Variants in KITLG observed in about 807,000 individuals in gnomAD.
The protein encoded by KITLG is c-Kit ligand.
A neutral mutation model predicts 34.1 loss-of-function variants in KITLG; 13 were observed. The observed-to-expected ratio is 0.38, with a 90% CI of 0.25 to 0.61. KITLG has a LOEUF of 0.61. Ranked by LOEUF, KITLG falls within the 20% of genes least tolerant of loss-of-function variation. KITLG has a pLI of 0.60. For synonymous variants in KITLG, 110 were observed against 104.0 expected, an observed-to-expected ratio of 1.06 and a Z score of -0.35; for missense variants, 292 against 318.9, an observed-to-expected ratio of 0.92 and a Z score of 0.64.
chr12:88,544,506 G>GT (rs201460412), intron 2 of KITLG, among the ~76,000 whole-genome samples: 1,244 of 80,220 alleles, frequency 0.016, 7 homozygotes, highest in African/African-American at 0.022. Flanking sequence ...TAAACAGTAT[G>GT]TTTTTAAAAA....
Position 88,546,322 on chromosome 12 carries a change from C to G in KITLG, c.16-457G>C, listed in dbSNP as rs966943139. 2.0e-5 allele frequency among the ~76,000 whole-genome samples: 3 copies of G among 152,098 alleles called. No homozygotes were observed. The East Asian group carries it at 5.8e-4, about 29-fold the overall frequency. ...AATCCAATAATCTACAATAGCACAC[C>G]AAGTTAAAGTGAGAGAGATGTATAT... On this transcript the variant is annotated intron_variant, in intron 1 of 9. Coordinates refer to ENST00000644744, the MANE Select transcript of KITLG (RefSeq NM_000899.5).
At chr12:88,568,515 C>G (rs1218606622) in intron 1 of KITLG, among the ~76,000 whole-genome samples, 1 of 151,866 alleles carries the variant, frequency 6.6e-6, no homozygotes, top group African/African-American at 2.4e-5. Flanking sequence ...CCCCTACAAC[C>G]CCATTACACC....
At chr12:88,534,811 T>C in intron 2 of KITLG, 1 of 393,020 alleles carries the variant, frequency 2.5e-6, no homozygotes, top group South Asian at 1.9e-5. Flanking sequence ...TTCTTTTCTC[T>C]TCTTAATCTT....
Position 88,580,381 on chromosome 12 carries a change from C to G in KITLG, c.-103G>C. ...TGCACGAACAGCGGCGGCAGATAGT[C>G]CACGCATTGGGTAGCCCGAGCGCAG... On this transcript the variant is annotated 5_prime_UTR_variant, in exon 1 of 10. Transcript: ENST00000644744. 7.4e-7 allele frequency: 1 copy of G among 1,345,046 alleles called. No individual in the cohort carries two copies. The highest frequency in any genetic ancestry group is 1.4e-5 in the African/African-American group (1 of 69,216). The allele number at this position is 1,345,046 out of a possible 1,614,324, so 83.3% of individuals were successfully genotyped here.
At chr12:88,511,679 AT>A (rs1869283411) in intron 6 of KITLG, among the ~76,000 whole-genome samples, 2 of 152,204 alleles carry the variant, frequency 1.3e-5, no homozygotes, top group Non-Finnish European at 2.9e-5. Context: ...ATAAAAAAAA[AT>A]AACCAAACAC....
At chr12:88,563,464 G>A (rs913291607) in intron 1 of KITLG, among the ~76,000 whole-genome samples, 3 of 152,248 alleles carry the variant, frequency 2.0e-5, no homozygotes, top group Non-Finnish European at 2.9e-5. Context: ...ACAGAAAGTC[G>A]CATGCCAGAC....
At chr12:88,568,016 T>A (rs1269527367) in intron 1 of KITLG, among the ~76,000 whole-genome samples, 1 of 152,182 alleles carries the variant, frequency 6.6e-6, no homozygotes, top group African/African-American at 2.4e-5. Context: ...AAAATTTATA[T>A]TTTTTATTGC....
intron 2 of KITLG, among the ~76,000 whole-genome samples, chr12:88,536,954 C>T (rs968379633): frequency 1.3e-5 from 2 of 152,092 alleles, no homozygotes; most frequent in Admixed American, 6.6e-5. Flanking sequence ...GCACGTTCTG[C>T]ACTTGTACCC....
intron 1 of KITLG, 35 bp from the exon 2 acceptor site, chr12:88,545,900 C>A: frequency 8.1e-7 from 1 of 1,231,562 alleles, no homozygotes; most frequent in South Asian, 1.2e-5. Context: ...TGGTGATCAT[C>A]AGTTAAGATC....
At chr12:88,513,933 A>C (rs760687183) in intron 6 of KITLG, among the ~76,000 whole-genome samples, 1 of 151,708 alleles carries the variant, frequency 6.6e-6, no homozygotes, top group Non-Finnish European at 1.5e-5. Context: ...TGAATGCTGC[A>C]TTCAACAGTT....
At chr12:88,549,707 G>A (rs2120922549) in intron 1 of KITLG, among the ~76,000 whole-genome samples, 2 of 152,250 alleles carry the variant, frequency 1.3e-5, no homozygotes. Context: ...TCTGGACTTA[G>A]GAGGGAAACT....
At chr12:88,507,828 TATATGGA>T (rs1249419049) in intron 6 of KITLG, among the ~76,000 whole-genome samples, 7 of 152,226 alleles carry the variant, frequency 4.6e-5, no homozygotes, top group African/African-American at 1.7e-4. Context: ...AGAGAGAACA[TATATGGA>T]ATTGGTTTGG....
At chr12:88,505,360 T>G in intron 8 of KITLG, 125 bp from the exon 9 acceptor site, 3 of 718,682 alleles carry the variant, frequency 4.2e-6, no homozygotes, top group East Asian at 2.7e-5. Flanking sequence ...CAAAATTGAA[T>G]GGGGAGCCTA....
intron 3 of KITLG, among the ~76,000 whole-genome samples, chr12:88,523,483 C>T (rs1869753405): frequency 1.3e-5 from 2 of 152,202 alleles, no homozygotes; most frequent in African/African-American, 2.4e-5. Context: ...AGACACGATT[C>T]TTCGGCTCAA....
chr12:88,520,789 C>T (rs758532212), intron 3 of KITLG, among the ~76,000 whole-genome samples: 7 of 152,006 alleles, frequency 4.6e-5, no homozygotes, highest in Non-Finnish European at 7.4e-5. Flanking sequence ...TATTTTCAAC[C>T]GAACTCTATG....
At chr12:88,568,280 C>CATTCATTTATTT (rs1555257929) in intron 1 of KITLG, among the ~76,000 whole-genome samples, 1 of 147,046 alleles carries the variant, frequency 6.8e-6, no homozygotes, top group East Asian at 2.0e-4. Flanking sequence ...CATATTATCT[C>CATTCATTTATTT]ATTTATTTAT....
At chr12:88,576,901 T>A (rs1871847396) in intron 1 of KITLG, among the ~76,000 whole-genome samples, 1 of 151,964 alleles carries the variant, frequency 6.6e-6, no homozygotes, top group African/African-American at 2.4e-5. Flanking sequence ...AAAAAAAAAA[T>A]GTGACCCAGA....
intron 2 of KITLG, among the ~76,000 whole-genome samples, chr12:88,545,429 G>C (rs1226221323): frequency 6.6e-6 from 1 of 152,160 alleles, no homozygotes; most frequent in East Asian, 1.9e-4. Flanking sequence ...AGAGATTATG[G>C]GGAACAAGCT....
At chr12:88,562,974 T>G (rs1871342510) in intron 1 of KITLG, among the ~76,000 whole-genome samples, 1 of 152,160 alleles carries the variant, frequency 6.6e-6, no homozygotes, top group Non-Finnish European at 1.5e-5. Context: ...ACACTGAAAG[T>G]ATCACACAGA....
Sources: allele counts gnomAD v4.1 joint callset (sites outside exome capture counted in the v4.1 genomes callset), GRCh38; gene constraint gnomAD v4.1.1; transcripts MANE v1.5; gene names NCBI Gene and HGNC (gene_info 2026-07-23, HGNC 2026-07-21).